The following ATRN variants were observed in gnomAD, a reference collection of about 807,000 sequenced individuals.
ATRN encodes the protein attractin-2.
ATRN carries 54 observed loss-of-function variants against 178.7 expected under a neutral mutation model. The ratio of observed to expected loss-of-function variants is 0.30; its 90% CI spans 0.24 to 0.38. The LOEUF is 0.38. ATRN is among the 10% of genes least tolerant of loss of function. The pLI, the probability that ATRN is intolerant of heterozygous loss-of-function variation, is 1.00. For synonymous variants in ATRN, 636 were observed against 663.0 expected (o/e 0.96, Z 0.63); for missense variants, 1,443 against 1,815.1 (o/e 0.79, Z 3.73).
At chr20:3,539,479 G>T (rs1480019939) in intron 2 of ATRN, among the ~76,000 whole-genome samples, 1 of 152,164 alleles carries the variant, frequency 6.6e-6, no homozygotes, top group African/African-American at 2.4e-5. Flanking sequence ...AACAGAAAGA[G>T]AAACAGAAAG....
At chr20:3,628,089 G>A (rs1004461733) in intron 25 of ATRN, among the ~76,000 whole-genome samples, 1 of 152,100 alleles carries the variant, frequency 6.6e-6, no homozygotes, top group Non-Finnish European at 1.5e-5. Context: ...GGAGAATGGC[G>A]TGAACCTGGG....
chr20:3,588,623 G>A (rs2086391408), intron 18 of ATRN, among the ~76,000 whole-genome samples: 1 of 152,080 alleles, frequency 6.6e-6, no homozygotes, highest in Non-Finnish European at 1.5e-5. Context: ...CATTCATGAG[G>A]GGGATATAAG....
At chr20:3,576,679 A>ATCTGTCTGTCTG (rs369364158) in intron 13 of ATRN, among the ~76,000 whole-genome samples, 180 bp from the exon 14 acceptor site, 4,881 of 142,162 alleles carry the variant, frequency 0.034, 106 homozygotes, top group Non-Finnish European at 0.048. Flanking sequence ...TTATCTATCT[A>ATCTGTCTGTCTG]TCTGTCTGTC....
At chr20:3,488,972 GTTTT>G (rs2084737694) in intron 1 of ATRN, among the ~76,000 whole-genome samples, 1 of 151,320 alleles carries the variant, frequency 6.6e-6, no homozygotes. Flanking sequence ...TTGTTTGTTT[GTTTT>G]TTGAGACGGA....
At chr20:3,592,142 G>T (rs538903763) in intron 19 of ATRN, among the ~76,000 whole-genome samples, 14 of 152,224 alleles carry the variant, frequency 9.2e-5, no homozygotes, top group Non-Finnish European at 2.1e-4. Context: ...GCTCACGCCT[G>T]TAATCCCAGC....
chr20:3,495,124 G>A (rs934243800), intron 1 of ATRN, among the ~76,000 whole-genome samples: 7 of 152,058 alleles, frequency 4.6e-5, no homozygotes, highest in Non-Finnish European at 1.0e-4. Context: ...CATAGTATGA[G>A]TCAATATTCA....
chr20:3,591,817 G>A (rs550654595), intron 19 of ATRN, among the ~76,000 whole-genome samples: 17 of 152,346 alleles, frequency 1.1e-4, no homozygotes, highest in Admixed American at 7.2e-4. Flanking sequence ...CCCATCAGGA[G>A]GCCTTGGTGC....
At chr20:3,639,276 A>G (rs1171462111) in intron 27 of ATRN, among the ~76,000 whole-genome samples, 1 of 151,842 alleles carries the variant, frequency 6.6e-6, no homozygotes, top group Non-Finnish European at 1.5e-5. Flanking sequence ...TTTGTTTGAG[A>G]CAGAGTCTTA....
At chr20:3,602,963 C>CAAAAAAAAAAAAAAAAAAAAAAAAAA (rs3842439) in intron 23 of ATRN, among the ~76,000 whole-genome samples, 1 of 40,868 alleles carries the variant, frequency 2.4e-5, no homozygotes, top group Non-Finnish European at 4.5e-5. Context: ...AATTCCATCT[C>CAAAAAAAAAAAAAAAAAAAAAAAAAA]AAAAAAAAAA....
chr20:3,634,316 T>C lies in ATRN; in HGVS notation c.3869T>C (p.Phe1290Ser), dbSNP rs1199905974. 6.2e-7 allele frequency: 1 copy of C among 1,611,950 alleles called. No individual in the cohort carries two copies. The highest frequency in any genetic ancestry group is 8.5e-7 in the Non-Finnish European group (1 of 1,178,458). Residue 1290 changes from phenylalanine to serine, a missense_variant, in exon 26 of 29, where the codon TTC (phenylalanine) becomes TCC (serine). Coordinates refer to ENST00000262919, the MANE Select transcript of ATRN (RefSeq NM_139321.3). ...VQFFVTFFSC[F>S]LSLLLVAAVV... ...AGTACTTTCCTTTCTCACAGTTGTT[T>C]CCTCTCTTTGCTCCTGGTGGCTGCT...
rs6107308 is a variant in ATRN at position 3,547,454 on chromosome 20, A to C, written c.908A>C (p.Asp303Ala). 0.012 allele frequency: 18,788 copies of C among 1,614,026 alleles called. 1,099 individuals carry two copies. The African/African-American group carries it at 0.16, about 14-fold the overall frequency. Reference protein sequence around the residue: ...FPHRGICNSSDVRGCSCFSDW... With the variant: ...FPHRGICNSSAVRGCSCFSDW... ...CATCGAGGCATCTGCAATTCAAGTG[A>C]TGTCAGAGGATGCTCCTGCTTCTCA... is the stretch of plus-strand genomic sequence containing the variant. Residue 303 changes from aspartate (D) to alanine (A), a missense_variant, in exon 5 of 29, where the codon GAT (aspartate) becomes GCT (alanine). Coordinates refer to ENST00000262919, the MANE Select transcript of ATRN (RefSeq NM_139321.3).
chr20:3,526,034 T>C (rs1220918341), intron 1 of ATRN, among the ~76,000 whole-genome samples: 1 of 152,106 alleles, frequency 6.6e-6, no homozygotes, highest in African/African-American at 2.4e-5. Context: ...CAACCTAATA[T>C]GGAAGTTTTG....
At chr20:3,641,767 A>G (rs1410845128) in intron 27 of ATRN, among the ~76,000 whole-genome samples, 1 of 152,096 alleles carries the variant, frequency 6.6e-6, no homozygotes, top group Non-Finnish European at 1.5e-5. Flanking sequence ...AGGATGAAAT[A>G]AAGATATCTT....
intron 28 of ATRN, 64 bp downstream of exon 28, chr20:3,644,332 C>T: frequency 7.5e-7 from 1 of 1,326,474 alleles, no homozygotes; most frequent in Non-Finnish European, 1.1e-6. Context: ...GCATGGGATA[C>T]TTCCCTTTCC....
At chr20:3,487,910 T>C (rs2084718666) in intron 1 of ATRN, among the ~76,000 whole-genome samples, 1 of 152,180 alleles carries the variant, frequency 6.6e-6, no homozygotes, top group Non-Finnish European at 1.5e-5. Context: ...TAAAAGCTCT[T>C]TAAGGGTTCC....
At chr20:3,630,484 C>T (rs1467111348) in intron 25 of ATRN, among the ~76,000 whole-genome samples, 1 of 152,084 alleles carries the variant, frequency 6.6e-6, no homozygotes, top group Non-Finnish European at 1.5e-5. Flanking sequence ...GGGAAAAAAG[C>T]TTGTGTCAAT....
In ATRN at chr20:3,586,769, G is replaced by A. The variant is rs143027805; in HGVS notation, c.3184+1889G>A. Among the ~76,000 whole-genome samples, 507 of 152,336 alleles carry A rather than the reference G, an allele frequency of 3.3e-3. 2 individuals carry two copies. The highest frequency in any genetic ancestry group is 0.011 in the African/African-American group (476 of 41,580). ...AAATGTCCAAAGGCAGAAAGTAGAT[G>A]TTTAGTGGTTTCCTAGGGCTGGGGA... On this transcript the variant is annotated intron_variant, in intron 18 of 28. Transcript: ENST00000262919.
intron 25 of ATRN, among the ~76,000 whole-genome samples, chr20:3,626,902 T>G (rs1389568042): frequency 1.3e-5 from 2 of 149,878 alleles, no homozygotes; most frequent in East Asian, 3.9e-4. Context: ...TTCTCCTGCC[T>G]CAGCCTCCCA....
intron 1 of ATRN, among the ~76,000 whole-genome samples, chr20:3,475,051 A>AAG (rs1261507600): frequency 1.3e-5 from 2 of 151,876 alleles, no homozygotes; most frequent in Non-Finnish European, 2.9e-5. Flanking sequence ...AAAAAAAAAA[A>AAG]AAATTTAGTC....
Sources: gnomAD v4.1 joint callset for allele counts (sites outside exome capture counted in the v4.1 genomes callset) on GRCh38, gnomAD v4.1.1 for gene constraint, MANE v1.5 for transcripts, NCBI Gene and HGNC (gene_info 2026-07-23, HGNC 2026-07-21) for gene names.